Variants in PLEKHA7 observed in about 807,000 individuals in gnomAD.
PLEKHA7 encodes pleckstrin homology domain containing A7, also known as pleckstrin homology domain-containing family A member 7.
Under a neutral mutation model 170.0 loss-of-function variants are expected in PLEKHA7, and 104 were observed. The observed-to-expected ratio is 0.61, with a 90% CI of 0.52 to 0.72. The LOEUF (loss-of-function observed/expected upper bound fraction) is 0.72, where lower values mean the gene tolerates loss of function less well. Among genes scored for constraint, PLEKHA7 ranks in the 30% least tolerant of loss-of-function variants. PLEKHA7 has a pLI of 0.00. For synonymous variants in PLEKHA7, 648 were observed against 660.8 expected (o/e 0.98, Z 0.30); for missense variants, 1,615 against 1,671.7 (o/e 0.97, Z 0.59).
intron 3 of PLEKHA7, among the ~76,000 whole-genome samples, chr11:16,941,989 CA>C (rs994974720): frequency 5.8e-4 from 89 of 152,338 alleles, no homozygotes; most frequent in African/African-American, 2.1e-3. Flanking sequence ...TACATGGAAG[CA>C]TAAATATTGC....
rs184155248 is a variant in PLEKHA7 at position 16,793,778 on chromosome 11, C to T, written c.2745+710G>A. Among the ~76,000 whole-genome samples, 148 of 152,318 alleles carry T rather than the reference C, an allele frequency of 9.7e-4. 1 individual carries two copies. Among genetic ancestry groups the T allele is most frequent in the African/African-American group, 3.4e-3 (141 of 41,568 alleles). On this transcript the variant is annotated intron_variant, in intron 19 of 26. Coordinates refer to ENST00000531066, the MANE Select transcript of PLEKHA7 (RefSeq NM_001329630.2). ...GCCAAGAGCTTGGCCCCTTTCTATG[C>T]CAGGCAAACCAAGGTGCTGGCCCAG...
Position 16,789,834 on chromosome 11 carries a change from C to T in PLEKHA7, c.3097G>A (p.Ala1033Thr). 1.2e-6 allele frequency: 2 copies of T among 1,614,144 alleles called. No homozygotes were observed. The change falls in exon 22 of 27, where the codon GCT becomes ACT. Residue 1033 changes from alanine to threonine, a missense_variant. Transcript: ENST00000531066. This position sits in a 1 kb window ranked among gnomAD's most constrained non-coding sequence, Gnocchi z 4.6. ...TSRLQQSSTI[A>T]PYVTLRRGLN... Reference sequence around the variant, plus strand: ...CCCCTCCGGAGTGTGACGTAGGGAGCAATGGTGGACGACTGCTGGAGCCTT... The same window carrying T: ...CCCCTCCGGAGTGTGACGTAGGGAGTAATGGTGGACGACTGCTGGAGCCTT...
chr11:16,841,848 A>G (rs11024053), intron 8 of PLEKHA7, 126 bp from the exon 9 acceptor site: 97,680 of 890,728 alleles, frequency 0.11, 6,534 homozygotes, highest in Non-Finnish European at 0.13. Context: ...ACTTGTTTCC[A>G]CACCTAGAAA....
At chr11:16,900,471 T>C (rs1047679105) in intron 3 of PLEKHA7, among the ~76,000 whole-genome samples, 18 of 152,224 alleles carry the variant, frequency 1.2e-4, no homozygotes, top group Admixed American at 1.2e-3. Flanking sequence ...GCAATTATAC[T>C]TGGACAATAA....
In PLEKHA7 at chr11:16,786,262, C is replaced by A. The variant is rs1036314230; in HGVS notation, c.3483G>T (p.Glu1161Asp). Residue 1161 changes from glutamate (E) to aspartate (D), a missense_variant, in exon 24 of 27, where the codon GAG becomes GAT. Physicochemically the swap from Glu to Asp is conservative, Grantham distance 45. Coordinates refer to ENST00000531066, the MANE Select transcript of PLEKHA7 (RefSeq NM_001329630.2). Reference sequence around the variant, plus strand: ...TGATGTCCAAGTCATAGTCTTGAGGCTCCAGGTCCAACTCAGTGACAGGCA... The same window carrying A: ...TGATGTCCAAGTCATAGTCTTGAGGATCCAGGTCCAACTCAGTGACAGGCA... The part of the protein sequence containing the change: ...QAMPVTELDL[E>D]PQDYDLDISR... The A allele has an allele frequency of 1.5e-5, 23 of 1,536,068 alleles. No individual in the cohort carries two copies. The highest frequency in any genetic ancestry group is 4.1e-5 in the African/African-American group (3 of 73,056).
intron 3 of PLEKHA7, among the ~76,000 whole-genome samples, chr11:16,886,529 G>C (rs1856117552): frequency 6.6e-6 from 1 of 152,134 alleles, no homozygotes; most frequent in Non-Finnish European, 1.5e-5. Flanking sequence ...TGGCCAACAT[G>C]GTGAAACCCC....
chr11:16,985,211 G>A (rs367636248), intron 3 of PLEKHA7, among the ~76,000 whole-genome samples: 19 of 152,292 alleles, frequency 1.2e-4, no homozygotes, highest in East Asian at 7.7e-4. Flanking sequence ...CCCACTACAC[G>A]TTTATGAATA....
chr11:16,861,605 C>A (rs1366357443), intron 4 of PLEKHA7, among the ~76,000 whole-genome samples: 1 of 152,098 alleles, frequency 6.6e-6, no homozygotes, highest in Non-Finnish European at 1.5e-5. Flanking sequence ...GCCGAGATCA[C>A]GTCACTTCAC....
intron 3 of PLEKHA7, among the ~76,000 whole-genome samples, chr11:16,903,749 A>C (rs1188662214): frequency 6.6e-6 from 1 of 152,254 alleles, no homozygotes; most frequent in Non-Finnish European, 1.5e-5. Context: ...GACATCTTTC[A>C]AAGAAATTCT....
chr11:16,895,550 G>A (rs1238033823), intron 3 of PLEKHA7, among the ~76,000 whole-genome samples: 1 of 152,224 alleles, frequency 6.6e-6, no homozygotes, highest in African/African-American at 2.4e-5. Flanking sequence ...AGAGAGCTCA[G>A]TGAATCACTT....
intron 17 of PLEKHA7, among the ~76,000 whole-genome samples, chr11:16,798,387 G>C (rs1411633009): frequency 6.6e-6 from 1 of 152,038 alleles, no homozygotes; most frequent in Non-Finnish European, 1.5e-5. Context: ...CTATCTGAGA[G>C]TAAGTCATGG....
chr11:16,813,040 G>A lies in PLEKHA7; in HGVS notation c.2007+73C>T, dbSNP rs113080599. 779 of 1,389,426 alleles carry A rather than the reference G, an allele frequency of 5.6e-4. 5 individuals are homozygous for A. The African/African-American group carries it at 8.9e-3, about 16-fold the overall frequency. 86.1% of individuals were successfully genotyped at this position (1,389,426 alleles called of 1,614,324 possible). A position where few individuals can be genotyped will look rare whatever the true frequency, so the allele number is the denominator to read the frequency against. ...AGACCTGTCTGGCCTTTGGCTTTGG[G>A]CTTGGCTCCAGTGAGGTGACACTCT... On this transcript the variant is annotated intron_variant, in intron 13 of 26. Transcript: ENST00000531066.
chr11:16,894,794 G>A (rs1268240487), intron 3 of PLEKHA7, among the ~76,000 whole-genome samples: 1 of 152,060 alleles, frequency 6.6e-6, no homozygotes, highest in African/African-American at 2.4e-5. Flanking sequence ...GGCAGGGGAG[G>A]GGAGTAGATA....
chr11:16,782,729 CT>C (rs1849128508), intron 26 of PLEKHA7, 24 bp downstream of exon 26: 22 of 1,535,140 alleles, frequency 1.4e-5, no homozygotes, highest in Non-Finnish European at 1.9e-5. Flanking sequence ...GGATCCAGGC[CT>C]TGGGGGCTGG....
intron 15 of PLEKHA7, 63 bp from the exon 16 acceptor site, chr11:16,801,880 C>A: frequency 3.8e-6 from 6 of 1,596,242 alleles, no homozygotes; most frequent in Non-Finnish European, 5.1e-6. Context: ...CCTCCCCATA[C>A]CACACCAGGA....
rs528036096 is a variant in PLEKHA7 at position 16,953,315 on chromosome 11, A to G, written c.221+60674T>C. Among the ~76,000 whole-genome samples the G allele has an allele frequency of 4.6e-5, 7 of 152,366 alleles. No individual in the cohort carries two copies. The South Asian group carries it at 1.5e-3, about 32-fold the overall frequency. ...TGCCTTGTACTGATTAACCAAACGA[A>G]CATAAGAAATTTTAAATGAGTATGA... On this transcript the variant is annotated intron_variant, in intron 3 of 26. Coordinates refer to ENST00000531066, the MANE Select transcript of PLEKHA7 (RefSeq NM_001329630.2).
At chr11:16,961,773 G>C (rs1041675535) in intron 3 of PLEKHA7, among the ~76,000 whole-genome samples, 3 of 152,238 alleles carry the variant, frequency 2.0e-5, no homozygotes, top group African/African-American at 7.2e-5. Flanking sequence ...AGATGGTCCT[G>C]AGATGAAATT....
intron 13 of PLEKHA7, chr11:16,812,462 C>G (rs894060667): frequency 6.6e-6 from 1 of 152,428 alleles, no homozygotes; most frequent in South Asian, 2.1e-4. Context: ...ATGGCTCAGG[C>G]GTAAGAAGTG....
At chr11:16,940,693 T>C (rs1046427282) in intron 3 of PLEKHA7, among the ~76,000 whole-genome samples, 3 of 152,164 alleles carry the variant, frequency 2.0e-5, no homozygotes, top group Non-Finnish European at 4.4e-5. Context: ...CCAGTAAGTG[T>C]TCAAAAATGA....
Sources: gnomAD v4.1 joint callset for allele counts (sites outside exome capture counted in the v4.1 genomes callset) on GRCh38, gnomAD v4.1.1 for gene constraint, Gnocchi (gnomAD v3.1) non-coding constraint, MANE v1.5 for transcripts, NCBI Gene and HGNC (gene_info 2026-07-23, HGNC 2026-07-21) for gene names.